Variants in GALNT7 observed in about 807,000 individuals in gnomAD.
GALNT7 encodes the protein N-acetylgalactosaminyltransferase 7.
Under a neutral mutation model 82.1 loss-of-function variants are expected in GALNT7, and 60 were observed. That is an observed-to-expected ratio of 0.73 (90% CI 0.59 to 0.91). The LOEUF (loss-of-function observed/expected upper bound fraction) is 0.91, where lower values mean the gene tolerates loss of function less well. GALNT7 is among the 40% of genes least tolerant of loss of function. GALNT7 has a pLI of 0.00. For synonymous variants in GALNT7, 243 were observed against 275.1 expected (o/e 0.88, Z 1.15); for missense variants, 660 against 804.2 (o/e 0.82, Z 2.17).
At chr4:173,291,533 G>A (rs979878633) in intron 2 of GALNT7, among the ~76,000 whole-genome samples, 1 of 152,168 alleles carries the variant, frequency 6.6e-6, no homozygotes, top group Non-Finnish European at 1.5e-5. Flanking sequence ...AAATAGTTGT[G>A]TAGAACAACT....
intron 1 of GALNT7, among the ~76,000 whole-genome samples, chr4:173,205,723 C>T (rs1733068537): frequency 6.6e-6 from 1 of 152,068 alleles, no homozygotes; most frequent in African/African-American, 2.4e-5. Context: ...CTGTGTAGGG[C>T]AATCTGGCCC....
intron 1 of GALNT7, among the ~76,000 whole-genome samples, chr4:173,217,554 C>A (rs1001539427): frequency 1.3e-5 from 2 of 152,078 alleles, no homozygotes; most frequent in Admixed American, 1.3e-4. Context: ...CGAAAGAAAA[C>A]CAAAATTACC....
At chr4:173,314,859 G>C (rs1737533541) in intron 9 of GALNT7, among the ~76,000 whole-genome samples, 1 of 152,190 alleles carries the variant, frequency 6.6e-6, no homozygotes, top group South Asian at 2.1e-4. Flanking sequence ...GAACGTTCAA[G>C]TCTACATCCC....
intron 1 of GALNT7, among the ~76,000 whole-genome samples, chr4:173,238,426 G>C (rs1734304536): frequency 6.6e-6 from 1 of 152,100 alleles, no homozygotes; most frequent in Non-Finnish European, 1.5e-5. Context: ...ATCTACTAGA[G>C]CCTTTTATTA....
intron 1 of GALNT7, among the ~76,000 whole-genome samples, chr4:173,195,197 C>T (rs1044196185): frequency 1.3e-5 from 2 of 152,126 alleles, no homozygotes; most frequent in Non-Finnish European, 2.9e-5. Context: ...ATTGTTTGAA[C>T]TTTTATTTCT....
chr4:173,313,830 TA>T (rs1271265736), intron 8 of GALNT7, 127 bp from the exon 9 acceptor site: 4 of 395,380 alleles, frequency 1.0e-5, no homozygotes, highest in African/African-American at 4.2e-5. Context: ...GTTGTTTAAT[TA>T]AATGCCAGGT....
intron 8 of GALNT7, among the ~76,000 whole-genome samples, chr4:173,308,609 A>G (rs1737247182): frequency 6.6e-6 from 1 of 152,180 alleles, no homozygotes; most frequent in Admixed American, 6.5e-5. Flanking sequence ...TGTCACATAA[A>G]ATAGAGGAAA....
At chr4:173,299,235 A>C (rs1251039149) in intron 6 of GALNT7, among the ~76,000 whole-genome samples, 1 of 152,234 alleles carries the variant, frequency 6.6e-6, no homozygotes, top group Non-Finnish European at 1.5e-5. Flanking sequence ...AATGGCAAAC[A>C]TAAAGAAGTT....
chr4:173,200,118 A>G (rs1235596182), intron 1 of GALNT7, among the ~76,000 whole-genome samples: 3 of 152,220 alleles, frequency 2.0e-5, no homozygotes, highest in Non-Finnish European at 4.4e-5. Flanking sequence ...AGCAATTATT[A>G]AAATTCTATT....
chr4:173,263,465 T>TG (rs1174545657), intron 2 of GALNT7, among the ~76,000 whole-genome samples: 6 of 152,200 alleles, frequency 3.9e-5, no homozygotes, highest in African/African-American at 1.4e-4. Context: ...GATTTTATAT[T>TG]GCAGAAGTGC....
At chr4:173,313,340 G>C (rs1168608431) in intron 8 of GALNT7, among the ~76,000 whole-genome samples, 1 of 151,918 alleles carries the variant, frequency 6.6e-6, no homozygotes, top group Non-Finnish European at 1.5e-5. Context: ...AGGCTGAGGT[G>C]GGAGGATCTC....
At chr4:173,246,661 T>C (rs1176090860) in intron 1 of GALNT7, among the ~76,000 whole-genome samples, 1 of 152,240 alleles carries the variant, frequency 6.6e-6, no homozygotes, top group African/African-American at 2.4e-5. Context: ...AATAACTGAC[T>C]TTCTATAAAG....
intron 2 of GALNT7, among the ~76,000 whole-genome samples, chr4:173,259,660 G>C (rs1029989655): frequency 2.6e-5 from 4 of 151,930 alleles, no homozygotes; most frequent in Admixed American, 6.6e-5. Flanking sequence ...TTTTGAGAGA[G>C]AGCGTCTCCC....
intron 6 of GALNT7, among the ~76,000 whole-genome samples, chr4:173,301,690 C>T (rs1736942952): frequency 1.3e-5 from 2 of 152,146 alleles, no homozygotes; most frequent in Non-Finnish European, 2.9e-5. Flanking sequence ...GTTAGCAGAC[C>T]ACGGCTGTAT....
At chr4:173,208,547 C>CA (rs1477765067) in intron 1 of GALNT7, among the ~76,000 whole-genome samples, 2 of 152,190 alleles carry the variant, frequency 1.3e-5, no homozygotes, top group Non-Finnish European at 2.9e-5. Context: ...TCCGCACCCG[C>CA]AGACTGAGCC....
intron 5 of GALNT7, among the ~76,000 whole-genome samples, chr4:173,297,331 C>T (rs556486674): frequency 6.6e-6 from 1 of 151,600 alleles, no homozygotes; most frequent in South Asian, 2.1e-4. Context: ...ATTTTCATAA[C>T]TGTTCCCAAG....
At chr4:173,201,838 T>C (rs1203456981) in intron 1 of GALNT7, among the ~76,000 whole-genome samples, 1 of 152,240 alleles carries the variant, frequency 6.6e-6, no homozygotes, top group African/African-American at 2.4e-5. Context: ...TGGGCTTTCC[T>C]TAATAGGAAG....
chr4:173,178,060 CGCGCGT>C (rs1351073782), intron 1 of GALNT7, among the ~76,000 whole-genome samples: 7 of 123,580 alleles, frequency 5.7e-5, no homozygotes, highest in African/African-American at 2.7e-4. Flanking sequence ...TGTGCGCGCA[CGCGCGT>C]GCGCACAGAC....
intron 2 of GALNT7, among the ~76,000 whole-genome samples, chr4:173,254,706 C>T (rs1011779596): frequency 2.0e-5 from 3 of 152,222 alleles, no homozygotes; most frequent in Admixed American, 2.0e-4. Flanking sequence ...ATTTTTCACA[C>T]ACAATCCCTT....
Sources: gnomAD v4.1 joint callset for allele counts (sites outside exome capture counted in the v4.1 genomes callset) on GRCh38, gnomAD v4.1.1 for gene constraint, MANE v1.5 for transcripts, NCBI Gene and HGNC (gene_info 2026-07-23, HGNC 2026-07-21) for gene names.